The following PRRC2C variants were observed in gnomAD, a reference collection of about 807,000 sequenced individuals.
The protein encoded by PRRC2C is proline rich coiled-coil 2C.
Under a neutral mutation model 317.2 loss-of-function variants are expected in PRRC2C, and 72 were observed. That is an observed-to-expected ratio of 0.23 (90% confidence interval 0.19 to 0.28). PRRC2C has a LOEUF of 0.28. PRRC2C is among the 10% of genes least tolerant of loss of function. The pLI, the probability that PRRC2C is intolerant of heterozygous loss-of-function variation, is 1.00. For synonymous variants in PRRC2C, 1,296 were observed against 1,205.9 expected (o/e 1.07, Z -1.55); for missense variants, 3,074 against 3,459.7 (o/e 0.89, Z 2.80).
intron 34 of PRRC2C, among the ~76,000 whole-genome samples, chr1:171,590,421 G>A (rs915417261): frequency 6.6e-5 from 10 of 152,164 alleles, no homozygotes; most frequent in African/African-American, 2.2e-4. Flanking sequence ...GACTTTCAGG[G>A]ATCTTAGTAA....
intron 3 of PRRC2C, among the ~76,000 whole-genome samples, chr1:171,513,605 A>T (rs1671779929): frequency 6.6e-6 from 1 of 152,244 alleles, no homozygotes; most frequent in South Asian, 2.1e-4. Context: ...TACTGTAGCA[A>T]GAAAGTTAGG....
intron 20 of PRRC2C, among the ~76,000 whole-genome samples, chr1:171,565,482 T>C (rs1025998018): frequency 2.0e-5 from 3 of 152,134 alleles, no homozygotes; most frequent in Admixed American, 6.6e-5. Flanking sequence ...AGGTCTCGCT[T>C]TGTCACCCAG....
In PRRC2C at chr1:171,522,179, G is replaced by T. The variant is rs775634971; in HGVS notation, c.753G>T (p.Met251Ile). Residue 251 changes from methionine (M) to isoleucine (I), a missense_variant and splice_region_variant, in exon 7 of 35, where the codon ATG (methionine) becomes ATT (isoleucine). Around this residue, in one of 11 missense-constraint regions of PRRC2C, gnomAD observed 237 missense variants for 199.5 expected, o/e 1.19. Coordinates refer to ENST00000647382, the MANE Select transcript of PRRC2C (RefSeq NM_001387844.1). ...SQYRAMMPPY[M>I]FQQYPRMTYP... is the part of the protein sequence containing the mutation. ...AATTTTTTGTTTCCTTCATTCAGAT[G>T]TTCCAACAGTATCCGAGGATGACAT... 1.3e-6 allele frequency: 2 copies of T among 1,560,492 alleles called. No homozygotes were observed. Among genetic ancestry groups the T allele is most frequent in the South Asian group, 2.4e-5 (2 of 83,316 alleles).
At chr1:171,533,375 T>G (rs1425287232) in intron 12 of PRRC2C, among the ~76,000 whole-genome samples, 1 of 152,226 alleles carries the variant, frequency 6.6e-6, no homozygotes, top group Non-Finnish European at 1.5e-5. Context: ...ACCTAGTTCA[T>G]AATTTCAGGT....
chr1:171,503,849 G>A (rs145896724), intron 1 of PRRC2C, among the ~76,000 whole-genome samples: 58 of 152,292 alleles, frequency 3.8e-4, no homozygotes, highest in Non-Finnish European at 7.4e-4. Context: ...GCAAAGCTGC[G>A]TCTTACATGG....
chr1:171,514,119 G>A (rs1671874707), intron 3 of PRRC2C, among the ~76,000 whole-genome samples: 1 of 152,184 alleles, frequency 6.6e-6, no homozygotes, highest in African/African-American at 2.4e-5. Flanking sequence ...TGACTGCCAG[G>A]TGGGGAGTTT....
chr1:171,537,197 A>G (rs979710414), intron 14 of PRRC2C, 66 bp from the exon 15 acceptor site: 10 of 1,241,550 alleles, frequency 8.1e-6, no homozygotes, highest in African/African-American at 6.0e-5. Context: ...TTCTATGTCT[A>G]TCATGGTTTT....
chr1:171,558,263 A>G, intron 19 of PRRC2C, 120 bp downstream of exon 19: 1 of 1,297,386 alleles, frequency 7.7e-7, no homozygotes, highest in Non-Finnish European at 1.0e-6. Context: ...ATTGTAGGAA[A>G]AAGTAATAGT....
chr1:171,511,494 ATT>A (rs1447307431), intron 1 of PRRC2C: 3 of 152,208 alleles, frequency 2.0e-5, no homozygotes, highest in Admixed American at 1.3e-4. Context: ...GAAATAGGTT[ATT>A]TTTATATACC....
intron 34 of PRRC2C, among the ~76,000 whole-genome samples, chr1:171,590,236 C>T (rs776289620): frequency 3.2e-4 from 48 of 152,128 alleles, no homozygotes; most frequent in Non-Finnish European, 5.4e-4. Flanking sequence ...AGATGAAGAA[C>T]TCAGAAAAGC....
In PRRC2C at chr1:171,487,512, G is replaced by A. The variant is rs557586965; in HGVS notation, c.-58+1777G>A. Among the ~76,000 whole-genome samples the A allele has an allele frequency of 2.6e-5, 4 of 152,230 alleles. No individual in the cohort carries two copies. The East Asian group carries it at 7.7e-4, about 29-fold the overall frequency. On this transcript the variant is annotated intron_variant, in intron 1 of 34. Transcript: ENST00000647382. ...TGGAATATATCCACTTTGGACTTGG[G>A]GTAGAGGCTAATTTTTTTGTGTCCT...
chr1:171,576,973 G>A (rs1433584275), intron 25 of PRRC2C, among the ~76,000 whole-genome samples: 1 of 152,184 alleles, frequency 6.6e-6, no homozygotes, highest in Non-Finnish European at 1.5e-5. Context: ...AAGTTTATGT[G>A]ACATTTTAGG....
intron 33 of PRRC2C, among the ~76,000 whole-genome samples, chr1:171,588,795 C>T (rs1212643515): frequency 1.3e-5 from 2 of 152,054 alleles, no homozygotes; most frequent in African/African-American, 4.8e-5. Flanking sequence ...GACTTTTCAG[C>T]GAAGGGTCCC....
chr1:171,512,258 A>AT lies in PRRC2C; in HGVS notation c.112+59dup, dbSNP rs770877454. 13 of 1,193,340 alleles carry AT rather than the reference A, an allele frequency of 1.1e-5. No homozygotes were observed. In the Middle Eastern group the frequency reaches 1.3e-3, roughly 123 times the overall value. 73.9% of individuals were successfully genotyped at this position (1,193,340 alleles called of 1,614,324 possible). ...ATGGTTTGTTTTGTTACTATAAGTG[A>AT]TACACCTGCTGCTATGAGAAGCTAG... On this transcript the variant is annotated intron_variant, in intron 2 of 34. Coordinates refer to ENST00000647382, the MANE Select transcript of PRRC2C (RefSeq NM_001387844.1).
chr1:171,591,886 G>GCCCCCCCCCCCC lies in PRRC2C; in HGVS notation c.*39_*40insCCCCCCCCCCCC. The GCCCCCCCCCCCC allele has an allele frequency of 2.1e-6, 1 of 475,626 alleles. No individual in the cohort carries two copies. The allele number at this position is 475,626 out of a possible 1,614,324, so 29.5% of individuals were successfully genotyped here. ...TTGCAGGGGATTGGGAGGGGGGCGG[G>GCCCCCCCCCCCC]AAAACATGGAGAATTAAGTCAGATA... On this transcript the variant is annotated 3_prime_UTR_variant, in exon 35 of 35. Transcript: ENST00000647382.
At chr1:171,524,436 T>C (rs1227501771) in intron 9 of PRRC2C, among the ~76,000 whole-genome samples, 5 of 152,196 alleles carry the variant, frequency 3.3e-5, no homozygotes, top group Non-Finnish European at 7.4e-5. Flanking sequence ...TTGTCGTGGC[T>C]TTGAAAAAAT....
chr1:171,511,968 T>A, intron 1 of PRRC2C, 64 bp from the exon 2 acceptor site: 1 of 544,226 alleles, frequency 1.8e-6, no homozygotes, highest in Non-Finnish European at 3.3e-6. Context: ...TTTCAGAATT[T>A]CTGTGAACAT....
rs750937319 is a variant in PRRC2C, at chr1:171,579,431, G to T, written c.7237G>T (p.Ala2413Ser). ...QHARLAPPSL[A>S]QQQGFQPGLS... ...TGCACGATTGGCTCCGCCATCCTTG[G>T]CTCAACAACAGGGTTTCCAACCAGG... is the stretch of plus-strand genomic sequence containing the variant. The change falls in exon 27 of 35, where the codon GCT becomes TCT. Residue 2413 changes from alanine to serine, a missense_variant. Physicochemically the swap from Ala to Ser is moderately conservative, Grantham distance 99 (BLOSUM62 1). Coordinates refer to ENST00000647382, the MANE Select transcript of PRRC2C (RefSeq NM_001387844.1). The T allele has an allele frequency of 1.9e-6, 3 of 1,613,752 alleles. No homozygotes were observed. In the South Asian group the frequency reaches 3.3e-5, roughly 18 times the overall value.
At chr1:171,555,785 CTGCAGAACAGCAAATAT>C (rs1320009870) in intron 18 of PRRC2C, among the ~76,000 whole-genome samples, 10 of 152,200 alleles carry the variant, frequency 6.6e-5, no homozygotes, top group Non-Finnish European at 1.0e-4. Flanking sequence ...CCAGCAGAGG[CTGCAGAACAGCAAATAT>C]TGCAGAACAG....
Sources: gnomAD v4.1 joint callset for allele counts (sites outside exome capture counted in the v4.1 genomes callset) on GRCh38, gnomAD v4.1.1 for gene constraint, gnomAD v4.1.1 regional missense constraint, MANE v1.5 for transcripts, NCBI Gene and HGNC (gene_info 2026-07-23, HGNC 2026-07-21) for gene names.